ADAM12: variants seen among roughly 807,000 people sequenced by gnomAD.
ADAM12 encodes the protein ADAM metallopeptidase domain 12.
In ADAM12, 70 loss-of-function variants were observed where a neutral mutation model predicts 106.4. That is an observed-to-expected ratio of 0.66 (90% CI 0.54 to 0.80). The LOEUF (loss-of-function observed/expected upper bound fraction) is 0.80. Ranked by LOEUF, ADAM12 falls within the 30% of genes least tolerant of loss-of-function variation. The probability of loss-of-function intolerance (pLI) is 0.00; values close to 1 mark genes in which losing one functional copy is unlikely to be tolerated. For synonymous variants in ADAM12, 420 were observed against 433.5 expected (o/e 0.97, Z 0.39); for missense variants, 1,010 against 1,171.9 (o/e 0.86, Z 2.02).
chr10:126,040,508 C>A (rs983753370), intron 18 of ADAM12, among the ~76,000 whole-genome samples: 1 of 152,130 alleles, frequency 6.6e-6, no homozygotes, highest in Non-Finnish European at 1.5e-5. Context: ...TGGACCCCAT[C>A]CCCCACTAAC....
At chr10:126,117,682 G>A (rs898937921) in intron 6 of ADAM12, among the ~76,000 whole-genome samples, 8 of 141,658 alleles carry the variant, frequency 5.6e-5, no homozygotes, top group South Asian at 2.3e-4. Context: ...TCATGGTGGC[G>A]CCCAACCCTG....
At chr10:126,262,977 C>G (rs1178775111) in intron 3 of ADAM12, among the ~76,000 whole-genome samples, 1 of 152,184 alleles carries the variant, frequency 6.6e-6, no homozygotes, top group Admixed American at 6.5e-5. Context: ...CTGCTCTGGG[C>G]ACTGAGATGC....
chr10:126,019,582 G>A (rs781194923), intron 22 of ADAM12, 113 bp downstream of exon 22: 40 of 1,355,524 alleles, frequency 3.0e-5, no homozygotes, highest in East Asian at 1.4e-4. Flanking sequence ...AGTTGTAGGG[G>A]GAGCAGGAAG....
At chr10:126,302,715 T>G (rs1236649696) in intron 2 of ADAM12, among the ~76,000 whole-genome samples, 1 of 152,232 alleles carries the variant, frequency 6.6e-6, no homozygotes, top group East Asian at 1.9e-4. Flanking sequence ...TGTTTCATTA[T>G]GCTAAATTAT....
At chr10:126,102,007 T>G (rs1955677456) in intron 8 of ADAM12, among the ~76,000 whole-genome samples, 1 of 152,116 alleles carries the variant, frequency 6.6e-6, no homozygotes, top group South Asian at 2.1e-4. Flanking sequence ...CATCTTTGGG[T>G]GTTCCTGACT....
chr10:126,271,334 AACATTT>A (rs1959174470), intron 3 of ADAM12, among the ~76,000 whole-genome samples: 1 of 152,156 alleles, frequency 6.6e-6, no homozygotes, highest in African/African-American at 2.4e-5. Context: ...CTGCCTACTT[AACATTT>A]CTTAACTACT....
chr10:126,350,139 T>C (rs76895644), intron 1 of ADAM12, among the ~76,000 whole-genome samples: 3,773 of 152,154 alleles, frequency 0.025, 157 homozygotes, highest in African/African-American at 0.087. Flanking sequence ...AAGAAGAAAC[T>C]GGAAAAAATT....
intron 3 of ADAM12, among the ~76,000 whole-genome samples, chr10:126,270,993 T>C (rs1435235594): frequency 1.3e-5 from 2 of 152,148 alleles, no homozygotes; most frequent in Admixed American, 6.5e-5. Context: ...CTCCAGCTCA[T>C]AGCTGCCAGC....
chr10:126,037,285 C>CTTTTTTTTTTTTTTTTTTTTTTTTTTTT (rs34515487), intron 20 of ADAM12, among the ~76,000 whole-genome samples: 1 of 136,300 alleles, frequency 7.3e-6, no homozygotes, highest in African/African-American at 2.8e-5. Flanking sequence ...TAAGGCTGTG[C>CTTTTTTTTTTTTTTTTTTTTTTTTTTTT]TTTTTTTTTT....
chr10:126,050,415 T>C lies in ADAM12; in HGVS notation c.1610-746A>G, dbSNP rs180876125. ...GAGGACTCCTGAATCCTGGACATAG[T>C]GATGTCTGTTGAAGACTATTGAGCA... On this transcript the variant is annotated intron_variant, in intron 14 of 22. Coordinates refer to ENST00000448723, the MANE Select transcript of ADAM12 (RefSeq NM_001288973.2). Among the ~76,000 whole-genome samples the C allele has an allele frequency of 2.6e-3, 396 of 152,316 alleles. 2 individuals carry two copies. The highest frequency in any genetic ancestry group is 3.3e-3 in the Admixed American group (51 of 15,302).
At chr10:126,129,933 C>A (rs1176938526) in intron 5 of ADAM12, among the ~76,000 whole-genome samples, 4 of 152,178 alleles carry the variant, frequency 2.6e-5, no homozygotes, top group Non-Finnish European at 4.4e-5. Context: ...TTAATTCCCT[C>A]CTTCTTCTAT....
intron 2 of ADAM12, among the ~76,000 whole-genome samples, chr10:126,321,919 C>A: frequency 6.9e-6 from 1 of 144,508 alleles, no homozygotes; most frequent in Non-Finnish European, 1.5e-5. Flanking sequence ...GGGGGGGCTT[C>A]AGCAACCTCA....
At chr10:126,090,704 AAC>A (rs1955447694) in intron 11 of ADAM12, 1 of 152,258 alleles carries the variant, frequency 6.6e-6, no homozygotes, top group Admixed American at 6.5e-5. Context: ...TGCAATGTGC[AAC>A]TGAAGTCACA....
At chr10:126,363,369 T>C (rs1371022110) in intron 1 of ADAM12, among the ~76,000 whole-genome samples, 1 of 152,202 alleles carries the variant, frequency 6.6e-6, no homozygotes, top group Non-Finnish European at 1.5e-5. Context: ...TAATTTTTAC[T>C]GTCCCAAAAA....
At position 126,013,901 on chromosome 10, in the gene ADAM12, T is replaced by G. The variant is rs962315574; in HGVS notation, c.*3378A>C. 2 of 152,460 alleles carry G rather than the reference T, an allele frequency of 1.3e-5. No homozygotes were observed. The allele number at this position is 152,460 out of a possible 1,614,324, so 9.4% of individuals were successfully genotyped here. On this transcript the variant is annotated 3_prime_UTR_variant, in exon 23 of 23. Coordinates refer to ENST00000448723, the MANE Select transcript of ADAM12 (RefSeq NM_001288973.2). The surrounding 1 kb of genome is among the most constrained non-coding windows in gnomAD (Gnocchi z 4.3). ...CCTAGCCTGAGAGCCCCACCTCTGG[T>G]CAGCACTAGTGTTGGGAGACTTCTG...
chr10:126,168,341 A>G (rs1957061397), intron 3 of ADAM12, among the ~76,000 whole-genome samples: 1 of 152,156 alleles, frequency 6.6e-6, no homozygotes, highest in East Asian at 1.9e-4. Context: ...TCATTCTGCC[A>G]TTTTCTTCTT....
intron 3 of ADAM12, among the ~76,000 whole-genome samples, chr10:126,256,136 C>A (rs1441422856): frequency 6.6e-6 from 1 of 152,036 alleles, no homozygotes; most frequent in Non-Finnish European, 1.5e-5. Flanking sequence ...ATCAAATCAC[C>A]CCCCTACCTG....
At chr10:126,336,049 G>A (rs1032799651) in intron 1 of ADAM12, among the ~76,000 whole-genome samples, 9 of 152,162 alleles carry the variant, frequency 5.9e-5, no homozygotes, top group African/African-American at 1.7e-4. Flanking sequence ...AATGTATCCT[G>A]GATGGGACTG....
intron 1 of ADAM12, among the ~76,000 whole-genome samples, chr10:126,374,765 C>T (rs1488479725): frequency 6.6e-6 from 1 of 152,096 alleles, no homozygotes; most frequent in East Asian, 1.9e-4. Flanking sequence ...AGTGATGAAG[C>T]AAAAACGGCA....
Sources: allele counts gnomAD v4.1 joint callset (sites outside exome capture counted in the v4.1 genomes callset), GRCh38; gene constraint gnomAD v4.1.1; non-coding constraint Gnocchi (gnomAD v3.1); transcripts MANE v1.5; gene names NCBI Gene and HGNC (gene_info 2026-07-23, HGNC 2026-07-21).